ARMCX4: variants seen among roughly 807,000 people sequenced by gnomAD.
ARMCX4 encodes armadillo repeat-containing X-linked protein 4.
Under a neutral mutation model 34.7 loss-of-function variants are expected in ARMCX4, and 3 were observed. The observed-to-expected ratio is 0.09, with a 90% CI of 0.04 to 0.22. The LOEUF is 0.22. Among genes scored for constraint, ARMCX4 ranks in the 10% least tolerant of loss-of-function variants. The pLI is 1.00. For synonymous variants in ARMCX4, 513 were observed against 632.8 expected (o/e 0.81, Z 2.84); for missense variants, 1,448 against 1,720.8 (o/e 0.84, Z 2.81).
chrX:101,490,545 C>G lies in ARMCX4; in HGVS notation c.1956C>G (p.Pro652=), dbSNP rs781999467. The G allele has an allele frequency of 8.7e-7, 1 of 1,155,811 alleles. No homozygotes were observed. Among genetic ancestry groups the G allele is most frequent in the South Asian group, 1.9e-5 (1 of 52,741 alleles). The stretch of plus-strand genomic sequence containing the variant: ...CCAAGAATAAAGTTAAGGGTAATCC[C>G]AATGTTGTGCTTAAGGCAGAAGTTG... ...LGTKNKVKGN[P]NVVLKAEVGE... The change falls in exon 6 of 6, where the codon CCC becomes CCG. Residue 652 remains proline, a synonymous_variant. Transcript: ENST00000423738.
downstream of ARMCX4, among the ~76,000 whole-genome samples, chrX:101,451,409 T>C (rs1361614063): frequency 8.1e-5 from 9 of 111,721 alleles, no homozygotes; most frequent in African/African-American, 2.9e-4. Context: ...AGCACATGAA[T>C]TTTTTCTCCA....
At chrX:101,535,543 C>A (rs1179886450), downstream of ARMCX4, among the ~76,000 whole-genome samples, 1 of 111,767 alleles carries the variant, frequency 8.9e-6, no homozygotes, top group East Asian at 2.8e-4. Flanking sequence ...TAAACATGTG[C>A]ATGTATATAA....
intron 4 of ARMCX4, among the ~76,000 whole-genome samples, chrX:101,469,460 CAA>C (rs782089946): frequency 9.0e-6 from 1 of 111,500 alleles, no homozygotes; most frequent in East Asian, 2.8e-4. Flanking sequence ...TACCCTCTAA[CAA>C]TATTTCTATA....
At chrX:101,446,352 CTGAG>C (rs1312512872), downstream of ARMCX4, among the ~76,000 whole-genome samples, 1 of 110,715 alleles carries the variant, frequency 9.0e-6, no homozygotes, top group Non-Finnish European at 1.9e-5. Flanking sequence ...TAGAAGCTGA[CTGAG>C]TAATACATGA....
At chrX:101,459,270 G>A (rs1411977834) in intron 4 of ARMCX4, among the ~76,000 whole-genome samples, 2 of 111,881 alleles carry the variant, frequency 1.8e-5, no homozygotes, top group East Asian at 5.6e-4. Context: ...GGGTTTGAAC[G>A]ACTACCTTCA....
rs1412949326 is a variant in ARMCX4, at chrX:101,493,340, G to C, written c.4751G>C (p.Gly1584Ala). 5 of 1,155,475 alleles carry C rather than the reference G, an allele frequency of 4.3e-6. No individual in the cohort carries two copies. The South Asian group carries it at 9.5e-5, about 22-fold the overall frequency. The change falls in exon 6 of 6, where the codon GGG becomes GCG. Residue 1584 changes from glycine to alanine, a missense_variant. Gly to Ala is a moderately conservative substitution (Grantham distance 60). This residue lies in a region of ARMCX4 where 1,343 missense variants were observed against 1,540.7 expected (regional missense o/e 0.87). Transcript: ENST00000423738. ...TTTGAGGATCAGGCCATTGGAGGGG[G>C]GTTCTGGCCTGGTGCTGGGGACCAG... ...PGFEDQAIGGGFWPGAGDQTG... is the reference protein window; with the variant it reads ...PGFEDQAIGGAFWPGAGDQTG...
intron 2 of ARMCX4, among the ~76,000 whole-genome samples, chrX:101,437,102 T>C (rs1212240400): frequency 8.9e-6 from 1 of 111,757 alleles, no homozygotes; most frequent in Non-Finnish European, 1.9e-5. Flanking sequence ...TGGTCTAAAA[T>C]TCTCTTTTTT....
At chrX:101,467,094 T>C (rs1932804826) in intron 4 of ARMCX4, among the ~76,000 whole-genome samples, 1 of 112,105 alleles carries the variant, frequency 8.9e-6, no homozygotes, top group African/African-American at 3.2e-5. Flanking sequence ...AAATTATATA[T>C]AGAGAAATAC....
At chrX:101,512,902 G>A (rs1487408685) in intron 11 of ARMCX4, among the ~76,000 whole-genome samples, 4 of 105,991 alleles carry the variant, frequency 3.8e-5, no homozygotes. Context: ...GAGAGAGAGA[G>A]AGATTCATTT....
intron 4 of ARMCX4, among the ~76,000 whole-genome samples, chrX:101,467,102 T>A (rs1449904607): frequency 4.5e-5 from 5 of 112,088 alleles, no homozygotes; most frequent in Non-Finnish European, 7.5e-5. Flanking sequence ...TATAGAGAAA[T>A]ACACAAATAT....
intron 4 of ARMCX4, among the ~76,000 whole-genome samples, chrX:101,454,577 C>T (rs1291773869): frequency 1.8e-5 from 2 of 110,001 alleles, no homozygotes; most frequent in African/African-American, 3.3e-5. Flanking sequence ...TGAGCCACTG[C>T]GCCTGGCTCA....
chrX:101,531,050 G>A (rs1935118056), intron 11 of ARMCX4, among the ~76,000 whole-genome samples: 1 of 111,727 alleles, frequency 9.0e-6, no homozygotes, highest in Non-Finnish European at 1.9e-5. Flanking sequence ...TGGGTTGAAA[G>A]GGCTGTGTTA....
downstream of ARMCX4, among the ~76,000 whole-genome samples, chrX:101,450,336 C>T: frequency 8.9e-6 from 1 of 112,417 alleles, no homozygotes; most frequent in Middle Eastern, 4.6e-3. Flanking sequence ...AGCCTCACTC[C>T]ATGGTCACTG....
At chrX:101,464,035 G>C (rs1206168262) in intron 4 of ARMCX4, among the ~76,000 whole-genome samples, 4 of 110,285 alleles carry the variant, frequency 3.6e-5, no homozygotes, top group Non-Finnish European at 7.6e-5. Flanking sequence ...TGGGATTATA[G>C]GCGTGAGCCA....
At chrX:101,461,313 A>G (rs1318071107) in intron 4 of ARMCX4, among the ~76,000 whole-genome samples, 1 of 112,147 alleles carries the variant, frequency 8.9e-6, no homozygotes, top group Non-Finnish European at 1.9e-5. Context: ...TACAAGTGGA[A>G]TCATACCACT....
At chrX:101,512,248 G>T (rs1013012054) in intron 11 of ARMCX4, among the ~76,000 whole-genome samples, 2 of 111,628 alleles carry the variant, frequency 1.8e-5, no homozygotes, top group Non-Finnish European at 3.8e-5. Context: ...CTGGTGTGGT[G>T]GCAGGCGCCT....
At chrX:101,431,932 T>G (rs1555992140) in intron 2 of ARMCX4, among the ~76,000 whole-genome samples, 1 of 112,427 alleles carries the variant, frequency 8.9e-6, no homozygotes, top group Non-Finnish European at 1.9e-5. Context: ...GTAGTAACAG[T>G]GTTTTCTTTA....
At chrX:101,496,373 AC>A (rs1934178264), downstream of ARMCX4, among the ~76,000 whole-genome samples, 1 of 110,381 alleles carries the variant, frequency 9.1e-6, no homozygotes, top group African/African-American at 3.3e-5. Context: ...ACAGGAAGCT[AC>A]CACAAGTTAC....
At chrX:101,432,919 C>A (rs1415221895) in intron 2 of ARMCX4, among the ~76,000 whole-genome samples, 1 of 86,461 alleles carries the variant, frequency 1.2e-5, no homozygotes, top group Non-Finnish European at 2.3e-5. Flanking sequence ...CACACGTATA[C>A]ATACGTATAT....
Sources: gnomAD v4.1 joint callset for allele counts (sites outside exome capture counted in the v4.1 genomes callset) on GRCh38, gnomAD v4.1.1 for gene constraint, gnomAD v4.1.1 regional missense constraint, MANE v1.5 for transcripts, NCBI Gene and HGNC (gene_info 2026-07-23, HGNC 2026-07-21) for gene names.